The following HECTD2 variants were observed in gnomAD, a reference collection of about 807,000 sequenced individuals.
The protein encoded by HECTD2 is probable E3 ubiquitin-protein ligase HECTD2.
A neutral mutation model predicts 103.2 loss-of-function variants in HECTD2; 35 were observed. That is an observed-to-expected ratio of 0.34 (90% CI 0.26 to 0.45). The LOEUF (loss-of-function observed/expected upper bound fraction) is 0.45, where lower values mean the gene tolerates loss of function less well. Ranked by LOEUF, HECTD2 falls within the 20% of genes least tolerant of loss-of-function variation. The pLI is 1.00. For synonymous variants in HECTD2, 281 were observed against 329.9 expected (o/e 0.85, Z 1.61); for missense variants, 596 against 937.4 (o/e 0.64, Z 4.76).
At chr10:91,429,374 A>G (rs1304874237) in intron 2 of HECTD2, among the ~76,000 whole-genome samples, 2 of 152,150 alleles carry the variant, frequency 1.3e-5, no homozygotes, top group African/African-American at 4.8e-5. Flanking sequence ...CTTTGGTATC[A>G]GGATGATGCT....
chr10:91,479,133 C>T (rs1447178300), intron 6 of HECTD2, among the ~76,000 whole-genome samples: 1 of 152,014 alleles, frequency 6.6e-6, no homozygotes, highest in African/African-American at 2.4e-5. Context: ...GAGAGTCGTT[C>T]GAATCCTGGA....
At chr10:91,416,886 G>T (rs1187327647) in intron 1 of HECTD2, among the ~76,000 whole-genome samples, 2 of 151,064 alleles carry the variant, frequency 1.3e-5, no homozygotes, top group Non-Finnish European at 2.9e-5. Flanking sequence ...ATTAAGGGAT[G>T]TCATGCACTC....
upstream of HECTD2, among the ~76,000 whole-genome samples, chr10:91,409,783 G>A (rs1842838281): frequency 6.6e-6 from 1 of 152,166 alleles, no homozygotes; most frequent in Non-Finnish European, 1.5e-5. Flanking sequence ...GGCGGGCAAG[G>A]ATAAGAAGGC....
At chr10:91,485,475 A>T in intron 10 of HECTD2, 172 bp downstream of exon 10, 1 of 504,504 alleles carries the variant, frequency 2.0e-6, no homozygotes, top group South Asian at 3.1e-5. Flanking sequence ...TTTCTGCTAC[A>T]TTTTGAATTT....
rs754717871 is a variant in HECTD2 at position 91,478,182 on chromosome 10, T to C, written c.601-19T>C. On this transcript the variant is annotated intron_variant, in intron 5 of 20. Transcript: ENST00000298068. ...AATTTGGTAATCCTAATTACCTTACTGTTTTCTTTTGCCTACAGCCTCAAG... is the reference window on the plus strand; with the variant it reads ...AATTTGGTAATCCTAATTACCTTACCGTTTTCTTTTGCCTACAGCCTCAAG... 21 of 1,559,094 alleles carry C rather than the reference T, an allele frequency of 1.3e-5. No homozygotes were observed. Among genetic ancestry groups the C allele is most frequent in the Non-Finnish European group, 1.7e-5 (19 of 1,130,828 alleles).
At chr10:91,451,484 C>T (rs1269546478) in intron 2 of HECTD2, among the ~76,000 whole-genome samples, 2 of 151,718 alleles carry the variant, frequency 1.3e-5, no homozygotes, top group South Asian at 2.1e-4. Flanking sequence ...CAAACCTGCA[C>T]GTTCTGCACA....
Position 91,496,312 on chromosome 10 carries a change from T to A in HECTD2, c.1620T>A (p.Asp540Glu), listed in dbSNP as rs1278632403. ...TGAGCCCTCCCATCATTCCTAGTGA[T>A]CAAAATATACCAGTAGGCATCTGCA... Reference protein sequence around the residue: ...KLLSPPIIPSDQNIPVGICNV... With the variant: ...KLLSPPIIPSEQNIPVGICNV... Residue 540 changes from aspartate (D) to glutamate (E), a missense_variant, in exon 15 of 21, where the codon GAT becomes GAA. Physicochemically the swap from Asp to Glu is conservative, Grantham distance 45. Coordinates refer to ENST00000298068, the MANE Select transcript of HECTD2 (RefSeq NM_182765.6). 6.2e-7 allele frequency: 1 copy of A among 1,612,662 alleles called. No homozygotes were observed. The highest frequency in any genetic ancestry group is 8.5e-7 in the Non-Finnish European group (1 of 1,178,912).
intron 5 of HECTD2, among the ~76,000 whole-genome samples, chr10:91,474,717 TGGG>T (rs1202177378): frequency 2.6e-5 from 4 of 152,174 alleles, no homozygotes; most frequent in East Asian, 1.9e-4. Context: ...TAATTTCTAT[TGGG>T]GGCAGGTTAC....
At position 91,410,457 on chromosome 10, in the gene HECTD2, G is replaced by T. The variant is rs950295650; in HGVS notation, c.19G>T (p.Val7Leu). MSEAVR[V>L]PSPATPLVVA... ...GCCCGACATGAGTGAGGCGGTTCGG[G>T]TACCCTCGCCCGCCACTCCGCTGGT... Residue 7 changes from valine (V) to leucine (L), a missense_variant, in exon 1 of 21, where the codon GTA becomes TTA. Around this residue, in one of 4 missense-constraint regions of HECTD2, gnomAD observed 220 missense variants for 233.9 expected, o/e 0.94. Coordinates refer to ENST00000298068, the MANE Select transcript of HECTD2 (RefSeq NM_182765.6). The T allele has an allele frequency of 2.1e-6, 3 of 1,457,786 alleles. No individual in the cohort carries two copies. Among genetic ancestry groups the T allele is most frequent in the Non-Finnish European group, 2.7e-6 (3 of 1,109,410 alleles). The allele number at this position is 1,457,786 out of a possible 1,614,324, so 90.3% of individuals were successfully genotyped here.
At position 91,433,653 on chromosome 10, in the gene HECTD2, C is replaced by G. The variant is rs542970046; in HGVS notation, c.268+8243C>G. 1.6e-4 allele frequency among the ~76,000 whole-genome samples: 25 copies of G among 152,078 alleles called. No homozygotes were observed. In the South Asian group the frequency reaches 5.0e-3, roughly 30 times the overall value. On this transcript the variant is annotated intron_variant, in intron 2 of 20. Coordinates refer to ENST00000298068, the MANE Select transcript of HECTD2 (RefSeq NM_182765.6). ...GCAGACAATGCCACAATGAATGACT[C>G]TGTACATATGTCGCTTTGTTCATCT...
In HECTD2 at chr10:91,487,120, C is replaced by G; in HGVS notation, c.1095-562C>G. 6.4e-6 allele frequency: 1 copy of G among 155,366 alleles called. No homozygotes were observed. Among genetic ancestry groups the G allele is most frequent in the Admixed American group, 6.3e-5 (1 of 15,944 alleles). 9.6% of individuals were successfully genotyped at this position (155,366 alleles called of 1,614,324 possible). A position where few individuals can be genotyped will look rare whatever the true frequency, so the allele number is the denominator to read the frequency against. Reference sequence around the variant, plus strand: ...ATAACCTTTTTATAATGTGTAATTACAAATACATACCATTTCCTATTACCA... The same window carrying G: ...ATAACCTTTTTATAATGTGTAATTAGAAATACATACCATTTCCTATTACCA... On this transcript the variant is annotated intron_variant, in intron 10 of 20. Transcript: ENST00000298068. This position sits in a 1 kb window ranked among gnomAD's most constrained non-coding sequence, Gnocchi z 4.1.
chr10:91,504,153 T>C (rs908030242), intron 20 of HECTD2, among the ~76,000 whole-genome samples: 11 of 151,758 alleles, frequency 7.2e-5, no homozygotes, highest in Admixed American at 1.3e-4. Flanking sequence ...AGACCAAAAG[T>C]AGATAAAACC....
chr10:91,452,057 G>C (rs540146945), intron 2 of HECTD2, among the ~76,000 whole-genome samples: 1 of 152,158 alleles, frequency 6.6e-6, no homozygotes, highest in South Asian at 2.1e-4. Context: ...AGGAATCAAT[G>C]AACTGGAAGA....
chr10:91,465,775 A>C (rs969949541), intron 5 of HECTD2, among the ~76,000 whole-genome samples: 1 of 152,178 alleles, frequency 6.6e-6, no homozygotes, highest in Non-Finnish European at 1.5e-5. Flanking sequence ...CATAACCTGA[A>C]ATAAATCACA....
intron 19 of HECTD2, 105 bp downstream of exon 19, chr10:91,500,722 T>C (rs1846867288): frequency 3.4e-6 from 2 of 591,154 alleles, no homozygotes; most frequent in Non-Finnish European, 3.0e-6. Flanking sequence ...ATTAAGTTAG[T>C]CAAAATATTA....
intron 11 of HECTD2, chr10:91,489,879 G>A (rs149060975): frequency 6.6e-6 from 1 of 152,122 alleles, no homozygotes; most frequent in Non-Finnish European, 1.5e-5. Flanking sequence ...ATTGCTGCAT[G>A]TATTTAAAAT....
At chr10:91,417,613 G>C (rs564104636) in intron 1 of HECTD2, among the ~76,000 whole-genome samples, 1 of 152,078 alleles carries the variant, frequency 6.6e-6, no homozygotes, top group Non-Finnish European at 1.5e-5. Context: ...AGAACATGCG[G>C]TGTTTGGTTT....
chr10:91,478,739 TA>T (rs1198545833), intron 6 of HECTD2, among the ~76,000 whole-genome samples: 3 of 151,968 alleles, frequency 2.0e-5, no homozygotes, highest in African/African-American at 7.2e-5. Flanking sequence ...ATTTAATTGG[TA>T]ATGTTTTGAA....
At chr10:91,480,505 G>A (rs531410981) in intron 6 of HECTD2, among the ~76,000 whole-genome samples, 216 of 151,974 alleles carry the variant, frequency 1.4e-3, no homozygotes, top group Admixed American at 2.6e-3. Context: ...CTGTGAGAAT[G>A]TACCAAATAG....
Sources: allele counts gnomAD v4.1 joint callset (sites outside exome capture counted in the v4.1 genomes callset), GRCh38; gene constraint gnomAD v4.1.1; regional missense constraint gnomAD v4.1.1; non-coding constraint Gnocchi (gnomAD v3.1); transcripts MANE v1.5; gene names NCBI Gene and HGNC (gene_info 2026-07-23, HGNC 2026-07-21).